Variants in MCM9 observed in about 807,000 individuals in gnomAD.
MCM9 encodes DNA helicase MCM9.
In MCM9, 55 loss-of-function variants were observed where a neutral mutation model predicts 72.8. That is an observed-to-expected ratio of 0.76 (90% CI 0.61 to 0.95). The LOEUF (loss-of-function observed/expected upper bound fraction) is 0.95. Ranked by LOEUF, MCM9 falls within the 40% of genes least tolerant of loss-of-function variation. The pLI, the probability that MCM9 is intolerant of heterozygous loss-of-function variation, is 0.00. For synonymous variants in MCM9, 480 were observed against 503.4 expected (o/e 0.95, Z 0.62); for missense variants, 1,279 against 1,377.0 (o/e 0.93, Z 1.13).
rs1372917539 is a variant in MCM9, at chr6:118,846,361, A to C, written c.1325+10010T>G. On this transcript the variant is annotated intron_variant, in intron 9 of 13. Transcript: ENST00000619706. ...AAGCTAACTCTAGAGCCCTTACTGG[A>C]GTGGAAAGATCAGTGGAGACTAAGT... 4.6e-5 allele frequency among the ~76,000 whole-genome samples: 7 copies of C among 151,892 alleles called. 1 individual carries two copies. The highest frequency in any genetic ancestry group is 1.7e-4 in the African/African-American group (7 of 41,158).
chr6:118,909,401 ATTTTATCACTCTAAGAATTT>A (rs1287640077), intron 8 of MCM9, among the ~76,000 whole-genome samples: 3 of 152,186 alleles, frequency 2.0e-5, no homozygotes, highest in South Asian at 2.1e-4. Context: ...GTTATCTTAA[ATTTTATCACTCTAAGAATTT>A]TTTTAATGAC....
chr6:118,914,595 T>C (rs1780794271), intron 6 of MCM9, among the ~76,000 whole-genome samples: 1 of 152,082 alleles, frequency 6.6e-6, no homozygotes, highest in Non-Finnish European at 1.5e-5. Flanking sequence ...TGTTTGGAGT[T>C]AGAAAGCCTG....
intron 8 of MCM9, among the ~76,000 whole-genome samples, chr6:118,883,361 T>A (rs956965942): frequency 6.6e-6 from 1 of 151,550 alleles, no homozygotes; most frequent in Non-Finnish European, 1.5e-5. Context: ...TTAATCAGAA[T>A]AATATATATA....
At chr6:118,853,617 T>A (rs903858783) in intron 9 of MCM9, among the ~76,000 whole-genome samples, 6 of 152,120 alleles carry the variant, frequency 3.9e-5, no homozygotes, top group Admixed American at 1.3e-4. Flanking sequence ...CTGGGCAACA[T>A]AGCAAGACCC....
At chr6:118,826,701 GAT>G in intron 12 of MCM9, 79 bp downstream of exon 12, 1 of 971,530 alleles carries the variant, frequency 1.0e-6, no homozygotes, top group African/African-American at 1.7e-5. Context: ...AATAACTTTT[GAT>G]ATGTTAATAA....
chr6:118,914,910 A>G (rs942200925), intron 6 of MCM9, among the ~76,000 whole-genome samples: 1 of 152,194 alleles, frequency 6.6e-6, no homozygotes, highest in African/African-American at 2.4e-5. Flanking sequence ...CTCTGCCTCC[A>G]TTTCTTGTCT....
intron 5 of MCM9, chr6:118,920,976 G>C (rs112592477): frequency 2.1e-4 from 32 of 152,176 alleles, no homozygotes; most frequent in African/African-American, 7.2e-4. Context: ...ATGATGAGTT[G>C]ACAGGGACAA....
At chr6:118,842,484 T>G (rs1775441400) in intron 9 of MCM9, among the ~76,000 whole-genome samples, 1 of 152,138 alleles carries the variant, frequency 6.6e-6, no homozygotes, top group Non-Finnish European at 1.5e-5. Context: ...AGGCACTGAT[T>G]TGCACAGTTT....
At chr6:118,845,061 C>T (rs1440958179) in intron 9 of MCM9, among the ~76,000 whole-genome samples, 2 of 151,632 alleles carry the variant, frequency 1.3e-5, no homozygotes, top group Non-Finnish European at 2.9e-5. Flanking sequence ...GTTGGTCTTG[C>T]ATAAATCTTT....
intron 9 of MCM9, among the ~76,000 whole-genome samples, chr6:118,835,704 T>C (rs1562403673): frequency 1.3e-5 from 2 of 152,232 alleles, no homozygotes; most frequent in African/African-American, 2.4e-5. Flanking sequence ...TGATTTTGTA[T>C]CCTGAGACTT....
intron 8 of MCM9, among the ~76,000 whole-genome samples, chr6:118,895,911 CAA>C (rs1329030199): frequency 2.0e-5 from 3 of 151,894 alleles, no homozygotes; most frequent in African/African-American, 7.3e-5. Flanking sequence ...AATTATAAAA[CAA>C]TATATATTCA....
intron 4 of MCM9, among the ~76,000 whole-genome samples, chr6:118,923,276 T>G (rs1781587345): frequency 6.8e-6 from 1 of 147,188 alleles, no homozygotes; most frequent in Non-Finnish European, 1.5e-5. Flanking sequence ...TCTTGTTCAC[T>G]CCAATGTGAT....
At chr6:118,896,318 C>G (rs1350157360) in intron 8 of MCM9, among the ~76,000 whole-genome samples, 2 of 151,992 alleles carry the variant, frequency 1.3e-5, no homozygotes, top group African/African-American at 2.4e-5. Flanking sequence ...AACCATTGAT[C>G]GGTCCATTCC....
chr6:118,917,525 A>G (rs1562437157), intron 6 of MCM9, 36 bp downstream of exon 6: 1 of 1,578,808 alleles, frequency 6.3e-7, no homozygotes, highest in Non-Finnish European at 8.7e-7. Flanking sequence ...ATGTAATACC[A>G]TTAATAATAA....
At chr6:118,841,152 A>T (rs953005195) in intron 9 of MCM9, among the ~76,000 whole-genome samples, 1 of 152,258 alleles carries the variant, frequency 6.6e-6, no homozygotes, top group African/African-American at 2.4e-5. Flanking sequence ...GGAATAGGAA[A>T]GAGGAAAAGG....
intron 3 of MCM9, among the ~76,000 whole-genome samples, chr6:118,928,854 C>CAAA (rs574118895): frequency 0.011 from 1,380 of 128,268 alleles, 26 homozygotes; most frequent in African/African-American, 0.037. Flanking sequence ...GACCCTGTCT[C>CAAA]AAAAAAAAAA....
intron 8 of MCM9, chr6:118,894,538 G>C (rs747582832): frequency 9.8e-6 from 15 of 1,528,944 alleles, no homozygotes; most frequent in Non-Finnish European, 1.3e-5. Flanking sequence ...TGCGGCGCCC[G>C]TGCGCCCGGG....
At chr6:118,831,000 T>C (rs1013302306) in intron 9 of MCM9, among the ~76,000 whole-genome samples, 8 of 152,234 alleles carry the variant, frequency 5.3e-5, no homozygotes, top group Non-Finnish European at 8.8e-5. Context: ...ATAGGGGATA[T>C]AATTGGAGAG....
intron 8 of MCM9, among the ~76,000 whole-genome samples, chr6:118,883,711 G>A (rs1778435850): frequency 2.0e-5 from 3 of 151,338 alleles, no homozygotes; most frequent in Admixed American, 1.3e-4. Flanking sequence ...AAAAAAAATC[G>A]AACCCGGAGT....
Sources: gnomAD v4.1 joint callset for allele counts (sites outside exome capture counted in the v4.1 genomes callset) on GRCh38, gnomAD v4.1.1 for gene constraint, MANE v1.5 for transcripts, NCBI Gene and HGNC (gene_info 2026-07-23, HGNC 2026-07-21) for gene names.